Variants in NEGR1 observed in about 807,000 individuals in gnomAD.
The protein encoded by NEGR1 is IgLON family member 4.
NEGR1 carries 10 observed loss-of-function variants against 40.9 expected under a neutral mutation model. The observed-to-expected ratio is 0.24, with a 90% confidence interval of 0.15 to 0.42. NEGR1 has a LOEUF of 0.42. NEGR1 is among the 10% of genes least tolerant of loss of function. The probability of loss-of-function intolerance (pLI) is 1.00; values close to 1 mark genes in which losing one functional copy is unlikely to be tolerated. For synonymous variants in NEGR1, 185 were observed against 166.8 expected (o/e 1.11, Z -0.84); for missense variants, 352 against 438.9 (o/e 0.80, Z 1.77).
intron 6 of NEGR1, among the ~76,000 whole-genome samples, chr1:71,490,188 C>A (rs1646917298): frequency 6.6e-6 from 1 of 151,844 alleles, no homozygotes; most frequent in South Asian, 2.1e-4. Context: ...GGATTGTATT[C>A]TTTTTGCTTA....
At chr1:72,075,912 T>C (rs549147031) in intron 1 of NEGR1, among the ~76,000 whole-genome samples, 1 of 152,264 alleles carries the variant, frequency 6.6e-6, no homozygotes, top group East Asian at 1.9e-4. Flanking sequence ...TTAACACTTC[T>C]CTGGGTGGTT....
At chr1:71,692,189 G>A (rs1448155307) in intron 4 of NEGR1, among the ~76,000 whole-genome samples, 2 of 151,654 alleles carry the variant, frequency 1.3e-5, no homozygotes, top group Admixed American at 1.3e-4. Flanking sequence ...ATGTACCAAA[G>A]TGTATCATCA....
intron 1 of NEGR1, among the ~76,000 whole-genome samples, chr1:71,967,379 T>A (rs1200601580): frequency 6.6e-6 from 1 of 152,168 alleles, no homozygotes; most frequent in East Asian, 1.9e-4. Context: ...CAATCATTTT[T>A]CTTCCATGGC....
At chr1:72,215,616 C>A (rs1653773705) in intron 1 of NEGR1, among the ~76,000 whole-genome samples, 1 of 152,136 alleles carries the variant, frequency 6.6e-6, no homozygotes, top group Admixed American at 6.6e-5. Context: ...AAAAGCTCAT[C>A]ATCACTGGTC....
intron 3 of NEGR1, among the ~76,000 whole-genome samples, chr1:71,739,523 T>C (rs1337029779): frequency 1.4e-5 from 2 of 138,810 alleles, no homozygotes; most frequent in Non-Finnish European, 3.2e-5. Flanking sequence ...AACAAAAAAC[T>C]AAAAAAAAAA....
chr1:71,653,106 C>CT (rs5775079), intron 4 of NEGR1, among the ~76,000 whole-genome samples: 1 of 151,874 alleles, frequency 6.6e-6, no homozygotes, highest in Non-Finnish European at 1.5e-5. Context: ...GTTTTCTTCA[C>CT]TTTTTTTGTA....
At chr1:71,709,991 T>A (rs1304652795) in intron 3 of NEGR1, among the ~76,000 whole-genome samples, 3 of 152,182 alleles carry the variant, frequency 2.0e-5, no homozygotes, top group African/African-American at 7.2e-5. Flanking sequence ...AGTACCCCTC[T>A]GACAAGGGAT....
At chr1:72,172,727 T>G (rs1027957210) in intron 1 of NEGR1, among the ~76,000 whole-genome samples, 1 of 152,092 alleles carries the variant, frequency 6.6e-6, no homozygotes, top group African/African-American at 2.4e-5. Flanking sequence ...AAAATCAAGG[T>G]GTTCGCAGAT....
Position 71,501,843 on chromosome 1 carries a change from A to C in NEGR1, c.940+90974T>G, listed in dbSNP as rs147845612. Among the ~76,000 whole-genome samples the C allele has an allele frequency of 1.1e-4, 16 of 152,342 alleles. No homozygotes were observed. The East Asian group carries it at 3.1e-3, about 29-fold the overall frequency. ...TATTACAATTATTATAAATTGCACA[A>C]AATTATTTGTTGAAATAAAGCATAT... is the stretch of plus-strand genomic sequence containing the variant. On this transcript the variant is annotated intron_variant, in intron 6 of 6. Coordinates refer to ENST00000357731, the MANE Select transcript of NEGR1 (RefSeq NM_173808.3).
intron 1 of NEGR1, among the ~76,000 whole-genome samples, chr1:72,267,393 A>C (rs1402414215): frequency 6.6e-6 from 1 of 150,978 alleles, no homozygotes; most frequent in Non-Finnish European, 1.5e-5. Flanking sequence ...ATGTGAAAAA[A>C]GAATATTATC....
intron 2 of NEGR1, among the ~76,000 whole-genome samples, chr1:71,839,316 G>T (rs1213452026): frequency 6.7e-6 from 1 of 148,552 alleles, no homozygotes; most frequent in Non-Finnish European, 1.5e-5. Flanking sequence ...TAATTCTCCT[G>T]CCTCAGCCTC....
At chr1:71,737,533 T>G (rs900696124) in intron 3 of NEGR1, among the ~76,000 whole-genome samples, 1 of 152,150 alleles carries the variant, frequency 6.6e-6, no homozygotes, top group African/African-American at 2.4e-5. Flanking sequence ...GCCATTAGTT[T>G]AAAGAATTTT....
At chr1:71,952,594 A>C (rs1234694222) in intron 1 of NEGR1, among the ~76,000 whole-genome samples, 1 of 152,034 alleles carries the variant, frequency 6.6e-6, no homozygotes, top group Non-Finnish European at 1.5e-5. Context: ...TATCCAGAAG[A>C]TTTAGCTAAA....
At chr1:71,608,910 C>T (rs1052294148) in intron 5 of NEGR1, among the ~76,000 whole-genome samples, 2 of 152,064 alleles carry the variant, frequency 1.3e-5, no homozygotes, top group Non-Finnish European at 2.9e-5. Flanking sequence ...GATTCAGAAC[C>T]ACTTTTCTGG....
rs545664036 is a variant in NEGR1 at position 71,757,204 on chromosome 1, G to A, written c.535+18968C>T. ...GTATTATGCTAGGAGACATTTCATG[G>A]GTTTTGACTGTCTTCCCTCTGGACA... On this transcript the variant is annotated intron_variant, in intron 3 of 6. Coordinates refer to ENST00000357731, the MANE Select transcript of NEGR1 (RefSeq NM_173808.3). 2.0e-5 allele frequency among the ~76,000 whole-genome samples: 3 copies of A among 152,098 alleles called. No individual in the cohort carries two copies. In the East Asian group the frequency reaches 5.8e-4, roughly 29 times the overall value.
intron 1 of NEGR1, among the ~76,000 whole-genome samples, chr1:71,970,602 G>A (rs1039366650): frequency 1.3e-5 from 2 of 152,040 alleles, no homozygotes; most frequent in Non-Finnish European, 2.9e-5. Context: ...GGCCGAGGGA[G>A]TAGAATCACT....
At position 71,399,215 on chromosome 1, in the gene NEGR1, A is replaced by G. The variant is rs139124331; in HGVS notation, c.*8231T>C. ...GAGAGCAGGAATTCTGAACACACAT[A>G]CTAGTTTATCTATAAATTAGAAATA... On this transcript the variant is annotated 3_prime_UTR_variant, in exon 7 of 7. Transcript: ENST00000357731. 2.6e-5 allele frequency: 4 copies of G among 152,256 alleles called. No individual in the cohort carries two copies. Among genetic ancestry groups the G allele is most frequent in the Admixed American group, 1.3e-4 (2 of 15,288 alleles). The allele number at this position is 152,256 out of a possible 1,614,324, so 9.4% of individuals were successfully genotyped here.
At chr1:71,942,471 ATATATATATATATTTTTTTTTTTT>A (rs1645970557) in intron 1 of NEGR1, among the ~76,000 whole-genome samples, 1 of 11,826 alleles carries the variant, frequency 8.5e-5, no homozygotes, top group East Asian at 2.7e-3. Context: ...ATATATATAT[ATATATATATATATTTTTTTTTTTT>A]TTTTTTTTTT....
chr1:71,752,412 A>T (rs1570298240), intron 3 of NEGR1, among the ~76,000 whole-genome samples: 1 of 152,082 alleles, frequency 6.6e-6, no homozygotes, highest in South Asian at 2.1e-4. Context: ...TAGTTTGTTG[A>T]CTCCTGATCT....
Sources: allele counts gnomAD v4.1 joint callset (sites outside exome capture counted in the v4.1 genomes callset), GRCh38; gene constraint gnomAD v4.1.1; transcripts MANE v1.5; gene names NCBI Gene and HGNC (gene_info 2026-07-23, HGNC 2026-07-21).